Variants in ELOVL6 observed in about 807,000 individuals in gnomAD.
The protein encoded by ELOVL6 is ELOVL fatty acid elongase 6.
In ELOVL6, 8 loss-of-function variants were observed where a neutral mutation model predicts 31.7. That is an observed-to-expected ratio of 0.25 (90% confidence interval 0.15 to 0.45). The LOEUF is 0.45. Ranked by LOEUF, ELOVL6 falls within the 20% of genes least tolerant of loss-of-function variation. ELOVL6 has a pLI of 1.00. For synonymous variants in ELOVL6, 101 were observed against 117.7 expected (o/e 0.86, Z 0.92); for missense variants, 126 against 326.4 (o/e 0.39, Z 4.73).
chr4:110,166,470 G>A (rs1758782140), intron 1 of ELOVL6, among the ~76,000 whole-genome samples: 1 of 152,008 alleles, frequency 6.6e-6, no homozygotes, highest in South Asian at 2.1e-4. Flanking sequence ...AAATTACCTG[G>A]GTGTGGTGGT....
chr4:110,173,545 G>A (rs1759014033), intron 1 of ELOVL6, among the ~76,000 whole-genome samples: 1 of 149,324 alleles, frequency 6.7e-6, no homozygotes, highest in African/African-American at 2.5e-5. Flanking sequence ...CTCAGCCTAT[G>A]GCTGCATTTT....
At chr4:110,060,478 GCACAGGTGCTCAATAAAGA>G (rs1306625441) in intron 2 of ELOVL6, among the ~76,000 whole-genome samples, 2 of 152,162 alleles carry the variant, frequency 1.3e-5, no homozygotes, top group African/African-American at 2.4e-5. Context: ...CTCCACATAG[GCACAGGTGCTCAATAAAGA>G]CTGTTGAAAA....
At chr4:110,065,817 T>C (rs1755283783) in intron 2 of ELOVL6, among the ~76,000 whole-genome samples, 2 of 152,220 alleles carry the variant, frequency 1.3e-5, no homozygotes, top group Non-Finnish European at 1.5e-5. Flanking sequence ...AAAAAGAGCC[T>C]TGGGTATAAA....
intron 1 of ELOVL6, among the ~76,000 whole-genome samples, chr4:110,156,936 G>T (rs1256015715): frequency 6.6e-6 from 1 of 152,178 alleles, no homozygotes; most frequent in Non-Finnish European, 1.5e-5. Context: ...GATATTTGCG[G>T]TTAAAAGAAG....
At chr4:110,189,150 C>T (rs1156469666) in intron 1 of ELOVL6, among the ~76,000 whole-genome samples, 2 of 149,808 alleles carry the variant, frequency 1.3e-5, no homozygotes, top group African/African-American at 2.5e-5. Context: ...CAAGGTGGTG[C>T]GTGCCTGTAA....
chr4:110,070,654 G>A (rs983267994), intron 2 of ELOVL6, among the ~76,000 whole-genome samples: 5 of 152,172 alleles, frequency 3.3e-5, no homozygotes, highest in African/African-American at 1.2e-4. Flanking sequence ...GAGGTGATTG[G>A]AGGGGTGGAC....
At chr4:110,052,871 C>T (rs1316557720) in intron 3 of ELOVL6, among the ~76,000 whole-genome samples, 1 of 152,192 alleles carries the variant, frequency 6.6e-6, no homozygotes, top group African/African-American at 2.4e-5. Flanking sequence ...TGGGAAAAAT[C>T]GACATCCTTC....
Position 110,198,282 on chromosome 4 carries a change from G to T in ELOVL6, c.54C>A (p.Asn18Lys), listed in dbSNP as rs1393258184. The T allele has an allele frequency of 1.9e-6, 3 of 1,612,102 alleles. No homozygotes were observed. Among genetic ancestry groups the T allele is most frequent in the Non-Finnish European group, 2.5e-6 (3 of 1,178,114 alleles). Reference sequence around the variant, plus strand: ...GCATCCATTGGATGGCTTCATTCTCGTTGAACTGCTTTTCGAATTCATATT... The same window carrying T: ...GCATCCATTGGATGGCTTCATTCTCTTTGAACTGCTTTTCGAATTCATATT... ...LQEYEFEKQF[N>K]ENEAIQWMQE... Residue 18 changes from asparagine to lysine, a missense_variant, in exon 1 of 4, where the codon AAC becomes AAA. By Grantham distance (94) the Asn-to-Lys change is moderately conservative (BLOSUM62 0). This residue lies in a region of ELOVL6 where 16 missense variants were observed against 22.8 expected (regional missense o/e 0.70). Transcript: ENST00000302274.
At chr4:110,090,608 T>TTTTTTTTTTTTTTTTG (rs1560819034) in intron 2 of ELOVL6, among the ~76,000 whole-genome samples, 1 of 141,842 alleles carries the variant, frequency 7.1e-6, no homozygotes, top group Non-Finnish European at 1.5e-5. Context: ...TTCTTTTTTT[T>TTTTTTTTTTTTTTTTG]TTTTTTTTTT....
At chr4:110,121,531 T>C (rs1757356572) in intron 1 of ELOVL6, among the ~76,000 whole-genome samples, 1 of 152,170 alleles carries the variant, frequency 6.6e-6, no homozygotes, top group Non-Finnish European at 1.5e-5. Flanking sequence ...ACCCCGTCTC[T>C]ACTAAAAATA....
chr4:110,093,786 AG>A (rs1756488258), intron 2 of ELOVL6, among the ~76,000 whole-genome samples: 1 of 152,208 alleles, frequency 6.6e-6, no homozygotes, highest in African/African-American at 2.4e-5. Flanking sequence ...GAACCACAGA[AG>A]TAATACATAC....
chr4:110,062,622 G>A (rs1268210748), intron 2 of ELOVL6, among the ~76,000 whole-genome samples: 1 of 152,190 alleles, frequency 6.6e-6, no homozygotes, highest in Non-Finnish European at 1.5e-5. Flanking sequence ...AGCTTGAGAG[G>A]CAGCGTGATG....
At chr4:110,155,147 T>G (rs191429146) in intron 1 of ELOVL6, among the ~76,000 whole-genome samples, 251 of 152,314 alleles carry the variant, frequency 1.6e-3, no homozygotes, top group African/African-American at 5.9e-3. Context: ...AATATATTTT[T>G]TAAACTTCTA....
intron 1 of ELOVL6, among the ~76,000 whole-genome samples, chr4:110,163,814 T>C (rs1758695558): frequency 6.6e-6 from 1 of 152,212 alleles, no homozygotes; most frequent in African/African-American, 2.4e-5. Flanking sequence ...GCCAGGGTCA[T>C]AAGATACTTA....
At chr4:110,074,688 G>A (rs938532376) in intron 2 of ELOVL6, among the ~76,000 whole-genome samples, 1 of 152,154 alleles carries the variant, frequency 6.6e-6, no homozygotes, top group Non-Finnish European at 1.5e-5. Context: ...GGAGTGTGTG[G>A]AGTGCTGGGT....
chr4:110,137,964 GA>G (rs1757856116), intron 1 of ELOVL6, among the ~76,000 whole-genome samples: 1 of 152,150 alleles, frequency 6.6e-6, no homozygotes, highest in Non-Finnish European at 1.5e-5. Context: ...CTCAAAAAAG[GA>G]CTTGCTTATA....
chr4:110,079,135 A>C (rs866758664), intron 2 of ELOVL6, among the ~76,000 whole-genome samples: 2 of 152,218 alleles, frequency 1.3e-5, no homozygotes, highest in Admixed American at 6.5e-5. Context: ...CCACACAATA[A>C]TAATGGGAGA....
At chr4:110,132,523 CAAG>C (rs1179716106) in intron 1 of ELOVL6, among the ~76,000 whole-genome samples, 2 of 151,674 alleles carry the variant, frequency 1.3e-5, no homozygotes, top group Non-Finnish European at 2.9e-5. Flanking sequence ...GATGGGGAGT[CAAG>C]AAGAAGTGGC....
chr4:110,183,168 A>G (rs1011330012), intron 1 of ELOVL6, among the ~76,000 whole-genome samples: 30 of 152,306 alleles, frequency 2.0e-4, no homozygotes, highest in African/African-American at 6.7e-4. Flanking sequence ...CTTTGCTACT[A>G]CGGGCAGTCA....
Sources: gnomAD v4.1 joint callset for allele counts (sites outside exome capture counted in the v4.1 genomes callset) on GRCh38, gnomAD v4.1.1 for gene constraint, gnomAD v4.1.1 regional missense constraint, MANE v1.5 for transcripts, NCBI Gene and HGNC (gene_info 2026-07-23, HGNC 2026-07-21) for gene names.